ZFYVE9: variants seen among roughly 807,000 people sequenced by gnomAD.
ZFYVE9 encodes the protein zinc finger FYVE-type containing 9, also known as zinc finger FYVE domain-containing protein 9.
ZFYVE9 carries 43 observed loss-of-function variants against 126.7 expected under a neutral mutation model. The observed-to-expected ratio is 0.34, with a 90% CI of 0.27 to 0.44. The LOEUF (loss-of-function observed/expected upper bound fraction) is 0.44, where lower values mean the gene tolerates loss of function less well. Ranked by LOEUF, ZFYVE9 falls within the 20% of genes least tolerant of loss-of-function variation. The probability of loss-of-function intolerance (pLI) is 1.00; values close to 1 mark genes in which losing one functional copy is unlikely to be tolerated. For missense variants in ZFYVE9, 1,476 were observed against 1,697.0 expected, an observed-to-expected ratio of 0.87 and a Z score of 2.29; for synonymous variants, 521 against 597.4, an observed-to-expected ratio of 0.87 and a Z score of 1.87.
rs34479038 is a variant in ZFYVE9 at position 52,326,693 on chromosome 1, CAAAAAAAA to C, written c.3439-6061_3439-6054del. On this transcript the variant is annotated intron_variant, in intron 13 of 18. Coordinates refer to ENST00000287727, the MANE Select transcript of ZFYVE9 (RefSeq NM_004799.4). ...GTGAAACCCTGTCTCTACTCAATAC[CAAAAAAAA>C]AAAAAAAAAAAAATAGCTGGACATG... 5.4e-3 allele frequency among the ~76,000 whole-genome samples: 560 copies of C among 102,940 alleles called. 6 individuals are homozygous for C. The highest frequency in any genetic ancestry group is 7.5e-3 in the Admixed American group (64 of 8,550). 67.5% of individuals were successfully genotyped at this position (102,940 alleles called of 152,430 possible).
intron 10 of ZFYVE9, among the ~76,000 whole-genome samples, chr1:52,292,469 CTTTTT>C (rs1159852399): frequency 2.0e-5 from 2 of 102,034 alleles, no homozygotes; most frequent in African/African-American, 8.1e-5. Flanking sequence ...CTGAACATTT[CTTTTT>C]TTTTTTTTTT....
intron 9 of ZFYVE9, among the ~76,000 whole-genome samples, chr1:52,279,031 G>A (rs1267094333): frequency 1.3e-5 from 2 of 151,950 alleles, no homozygotes; most frequent in East Asian, 1.9e-4. Context: ...GAGCCACCGC[G>A]CCTGGCCTAG....
Position 52,263,872 on chromosome 1 carries a change from G to A in ZFYVE9, c.2278G>A (p.Ala760Thr). 6.4e-7 allele frequency: 1 copy of A among 1,570,482 alleles called. No homozygotes were observed. Among genetic ancestry groups the A allele is most frequent in the Non-Finnish European group, 8.7e-7 (1 of 1,150,648 alleles). The change falls in exon 5 of 19, where the codon GCT (alanine) becomes ACT (threonine). Residue 760 changes from alanine to threonine, a missense_variant and splice_region_variant. Physicochemically the swap from Ala to Thr is moderately conservative, Grantham distance 58 (BLOSUM62 0). Coordinates refer to ENST00000287727, the MANE Select transcript of ZFYVE9 (RefSeq NM_004799.4). ...AATCTGCCATTCAGTGCTAATGAAT[G>A]GTAAGTATTAAAACAGGTTGATTTC... is the stretch of plus-strand genomic sequence containing the variant. ...CVICHSVLMN[A>T]QAWENMMSAS...
At position 52,346,388 on chromosome 1, in the gene ZFYVE9, G is replaced by A. The variant is rs575640935; in HGVS notation, c.*167G>A. On this transcript the variant is annotated 3_prime_UTR_variant, in exon 19 of 19. Transcript: ENST00000287727. ...GAGACGGGTGGGAAAGGGTGGTTGG[G>A]GGGACCGATGTTCCATAATTCTAAG... is the stretch of plus-strand genomic sequence containing the variant. 191 of 688,358 alleles carry A rather than the reference G, an allele frequency of 2.8e-4. 1 individual carries two copies. The highest frequency in any genetic ancestry group is 5.6e-4 in the Admixed American group (17 of 30,332). 42.6% of individuals were successfully genotyped at this position (688,358 alleles called of 1,614,324 possible).
At chr1:52,168,336 C>T (rs144877384) in intron 1 of ZFYVE9, among the ~76,000 whole-genome samples, 14 of 150,556 alleles carry the variant, frequency 9.3e-5, no homozygotes, top group South Asian at 2.1e-4. Flanking sequence ...CCTGTCTCAG[C>T]GTCCTGCATT....
chr1:52,338,480 C>A (rs1259083300), intron 16 of ZFYVE9, among the ~76,000 whole-genome samples: 2 of 152,188 alleles, frequency 1.3e-5, no homozygotes, highest in Non-Finnish European at 2.9e-5. Context: ...CCCCTCACCC[C>A]TTTCTTCCTC....
At chr1:52,206,298 G>C (rs1381021450) in intron 1 of ZFYVE9, among the ~76,000 whole-genome samples, 1 of 152,178 alleles carries the variant, frequency 6.6e-6, no homozygotes, top group Non-Finnish European at 1.5e-5. Context: ...GGTTTTCCCT[G>C]AATATGGCGT....
chr1:52,246,698 ATTT>A (rs759969701), intron 4 of ZFYVE9, among the ~76,000 whole-genome samples: 19 of 99,282 alleles, frequency 1.9e-4, no homozygotes, highest in Middle Eastern at 6.8e-3. Context: ...CGTGTAACTA[ATTT>A]TTTTTTTTTT....
chr1:52,346,525 T>G lies in ZFYVE9; in HGVS notation c.*304T>G. The G allele has an allele frequency of 2.4e-6, 1 of 409,608 alleles. No homozygotes were observed. The highest frequency in any genetic ancestry group is 4.3e-6 in the Non-Finnish European group (1 of 232,252). 25.4% of individuals were successfully genotyped at this position (409,608 alleles called of 1,614,324 possible). On this transcript the variant is annotated 3_prime_UTR_variant, in exon 19 of 19. Transcript: ENST00000287727. ...GTTACTGTTTAGACAAGAATTCCGCTCCTCTCTCAAGATTTACTTATGGTC... is the reference window on the plus strand; with the variant it reads ...GTTACTGTTTAGACAAGAATTCCGCGCCTCTCTCAAGATTTACTTATGGTC...
chr1:52,225,110 C>T (rs1364161950), intron 2 of ZFYVE9, among the ~76,000 whole-genome samples: 1 of 152,200 alleles, frequency 6.6e-6, no homozygotes, highest in Non-Finnish European at 1.5e-5. Context: ...AGATCCCAAC[C>T]ACCAAGGAAT....
chr1:52,295,953 G>A lies in ZFYVE9; in HGVS notation c.3309G>A (p.Gly1103=). ...GGAAGCCATTGTTTGGAGAGACGGG[G>A]CATACCATCATGAATCTTCTTGCAG... ...RFRKPLFGET[G]HTIMNLLADF... The change falls in exon 12 of 19, where the codon GGG becomes GGA. Residue 1103 remains glycine (G), a synonymous_variant. Transcript: ENST00000287727. 1 of 1,613,686 alleles carries A rather than the reference G, an allele frequency of 6.2e-7. No homozygotes were observed. The highest frequency in any genetic ancestry group is 8.5e-7 in the Non-Finnish European group (1 of 1,179,804).
At chr1:52,154,961 G>C (rs563468226) in intron 1 of ZFYVE9, among the ~76,000 whole-genome samples, 4 of 152,288 alleles carry the variant, frequency 2.6e-5, no homozygotes, top group African/African-American at 9.6e-5. Flanking sequence ...TGTGAGCTGA[G>C]GAAATGGTGC....
At chr1:52,188,899 G>A (rs1457477007) in intron 1 of ZFYVE9, among the ~76,000 whole-genome samples, 2 of 152,032 alleles carry the variant, frequency 1.3e-5, no homozygotes, top group East Asian at 3.9e-4. Context: ...TCACAGTCAT[G>A]CGGTAATCAC....
chr1:52,236,849 C>G (rs1645277512), intron 3 of ZFYVE9, among the ~76,000 whole-genome samples: 1 of 151,986 alleles, frequency 6.6e-6, no homozygotes, highest in African/African-American at 2.4e-5. Context: ...TATAATAAAC[C>G]CCAGTGTACC....
chr1:52,302,291 A>G (rs2147840537), intron 12 of ZFYVE9, among the ~76,000 whole-genome samples: 1 of 152,308 alleles, frequency 6.6e-6, no homozygotes. Context: ...AAGTCAAGTT[A>G]CTTAGAAAAA....
intron 4 of ZFYVE9, among the ~76,000 whole-genome samples, chr1:52,240,099 A>C (rs1161126440): frequency 6.6e-6 from 1 of 152,202 alleles, no homozygotes. Context: ...CTTTATACAC[A>C]TGCACACATA....
At chr1:52,187,531 T>C (rs1244611771) in intron 1 of ZFYVE9, among the ~76,000 whole-genome samples, 1 of 152,188 alleles carries the variant, frequency 6.6e-6, no homozygotes, top group Non-Finnish European at 1.5e-5. Flanking sequence ...GACTACAGAA[T>C]GGGAGAAAAT....
chr1:52,246,369 CTT>C (rs1477661267), intron 4 of ZFYVE9, among the ~76,000 whole-genome samples: 4 of 152,152 alleles, frequency 2.6e-5, no homozygotes, highest in African/African-American at 4.8e-5. Context: ...TTTTGGGTAA[CTT>C]GAGTTGAAGT....
In ZFYVE9 at chr1:52,168,214, C is replaced by CTT. The variant is rs139943554; in HGVS notation, c.-143+25832_-143+25833dup. Among the ~76,000 whole-genome samples the CTT allele has an allele frequency of 7.6e-3, 874 of 114,986 alleles. 15 individuals are homozygous for CTT. The highest frequency in any genetic ancestry group is 0.013 in the Middle Eastern group (3 of 224). 75.4% of individuals were successfully genotyped at this position (114,986 alleles called of 152,430 possible). ...TCCTCCTCTTCCTCCTCTTCGTCTTCTTTTTTTTTTTTTTTTTTTTTTGAC... is the reference window on the plus strand; with the variant it reads ...TCCTCCTCTTCCTCCTCTTCGTCTTCTTTTTTTTTTTTTTTTTTTTTTTTGAC... On this transcript the variant is annotated intron_variant, in intron 1 of 18. Coordinates refer to ENST00000287727, the MANE Select transcript of ZFYVE9 (RefSeq NM_004799.4).
Sources: gnomAD v4.1 joint callset for allele counts (sites outside exome capture counted in the v4.1 genomes callset) on GRCh38, gnomAD v4.1.1 for gene constraint, MANE v1.5 for transcripts, NCBI Gene and HGNC (gene_info 2026-07-23, HGNC 2026-07-21) for gene names.